The following TMEM9B variants were observed in gnomAD, a reference collection of about 807,000 sequenced individuals.
TMEM9B encodes TMEM9 domain family member B.
A neutral mutation model predicts 23.5 loss-of-function variants in TMEM9B; 8 were observed. The ratio of observed to expected loss-of-function variants is 0.34; its 90% confidence interval spans 0.20 to 0.61. The LOEUF (loss-of-function observed/expected upper bound fraction) is 0.61. TMEM9B is among the 20% of genes least tolerant of loss of function. TMEM9B has a pLI of 0.78. For missense variants in TMEM9B, 197 were observed against 252.3 expected (o/e 0.78, Z 1.49); for synonymous variants, 106 against 96.3 (o/e 1.10, Z -0.59).
At position 8,948,297 on chromosome 11, in the gene TMEM9B, G is replaced by A; in HGVS notation, c.*23C>T. On this transcript the variant is annotated 3_prime_UTR_variant, in exon 5 of 5. Transcript: ENST00000534025. Reference sequence around the variant, plus strand: ...CCAGTTGTCTGCCTGTTTCTTTCTAGTCACCTTGAATTCAATTCCCAATTA... The same window carrying A: ...CCAGTTGTCTGCCTGTTTCTTTCTAATCACCTTGAATTCAATTCCCAATTA... 6.2e-7 allele frequency: 1 copy of A among 1,606,906 alleles called. No homozygotes were observed. The highest frequency in any genetic ancestry group is 8.5e-7 in the Non-Finnish European group (1 of 1,175,770).
rs552683776 is a variant in TMEM9B, at chr11:8,958,964, A to G, written c.198-2666T>C. The stretch of plus-strand genomic sequence containing the variant: ...GTATTTCAAATACGGGTAAGGCCCC[A>G]CAACTCTCACCATAAAAGTGTGTGA... On this transcript the variant is annotated intron_variant, in intron 2 of 4. Coordinates refer to ENST00000534025, the MANE Select transcript of TMEM9B (RefSeq NM_020644.3). Among the ~76,000 whole-genome samples the G allele has an allele frequency of 2.0e-5, 3 of 152,350 alleles. No individual in the cohort carries two copies. The East Asian group carries it at 5.8e-4, about 29-fold the overall frequency.
At chr11:8,954,132 TGAAA>T (rs1853931396) in intron 3 of TMEM9B, among the ~76,000 whole-genome samples, 2 of 152,214 alleles carry the variant, frequency 1.3e-5, no homozygotes, top group South Asian at 4.1e-4. Flanking sequence ...TTGTGCTAAA[TGAAA>T]GAAGCCAGTC....
In TMEM9B at chr11:8,956,198, T is replaced by C. The variant is rs1853970298; in HGVS notation, c.298A>G (p.Thr100Ala). 1.2e-6 allele frequency: 2 copies of C among 1,613,188 alleles called. No individual in the cohort carries two copies. Among genetic ancestry groups the C allele is most frequent in the African/African-American group, 1.3e-5 (1 of 74,910 alleles). The change falls in exon 3 of 5, where the codon ACA (threonine) becomes GCA (alanine). Residue 100 changes from threonine (T) to alanine (A), a missense_variant. Transcript: ENST00000534025. ...ECKYEERSSVTIKVTIIIYLS... is the reference protein window; with the variant it reads ...ECKYEERSSVAIKVTIIIYLS... The stretch of plus-strand genomic sequence containing the variant: ...AGGGATATATATTTTACCTTGATTG[T>C]GACAGAGCTTCTTTCTTCATATTTG...
chr11:8,948,169 A>C lies in TMEM9B; in HGVS notation c.*151T>G. 1.0e-6 allele frequency: 1 copy of C among 971,532 alleles called. No individual in the cohort carries two copies. The allele number at this position is 971,532 out of a possible 1,614,324, so 60.2% of individuals were successfully genotyped here. A position where few individuals can be genotyped will look rare whatever the true frequency, so the allele number is the denominator to read the frequency against. ...TCTATTATTACGTTAACAAGAAAAA[A>C]AAATCAAGCAAGTTTTTGCTTCCAG... is the stretch of plus-strand genomic sequence containing the variant. On this transcript the variant is annotated 3_prime_UTR_variant, in exon 5 of 5. Transcript: ENST00000534025.
intron 4 of TMEM9B, among the ~76,000 whole-genome samples, chr11:8,951,535 A>T (rs906398499): frequency 1.4e-5 from 2 of 146,586 alleles, no homozygotes; most frequent in Non-Finnish European, 3.0e-5. Context: ...GGGGATCATG[A>T]GGTCAGGAGA....
chr11:8,953,130 T>C (rs755682962), intron 4 of TMEM9B, 73 bp downstream of exon 4: 1 of 1,592,228 alleles, frequency 6.3e-7, no homozygotes, highest in African/African-American at 1.3e-5. Flanking sequence ...TATATGACTA[T>C]TTTTCACTTG....
At chr11:8,956,065 G>C (rs1050636029) in intron 3 of TMEM9B, 125 bp downstream of exon 3, 1 of 712,112 alleles carries the variant, frequency 1.4e-6, no homozygotes, top group Admixed American at 2.7e-5. Context: ...GAGGCAGGCA[G>C]AACAGGCCCA....
chr11:8,951,808 T>C (rs1017793111), intron 4 of TMEM9B, among the ~76,000 whole-genome samples: 9 of 140,044 alleles, frequency 6.4e-5, no homozygotes, highest in Non-Finnish European at 1.2e-4. Context: ...AGGGTAATGA[T>C]GAAACAAAAA....
chr11:8,949,215 G>C (rs1853831691), intron 4 of TMEM9B, among the ~76,000 whole-genome samples: 1 of 152,186 alleles, frequency 6.6e-6, no homozygotes, highest in African/African-American at 2.4e-5. Flanking sequence ...GCTGCCTTGG[G>C]AAAGAGGCTA....
At chr11:8,951,757 C>CA (rs747141702) in intron 4 of TMEM9B, among the ~76,000 whole-genome samples, 2,551 of 91,212 alleles carry the variant, frequency 0.028, 69 homozygotes, top group African/African-American at 0.091. Context: ...GACTGCGTCT[C>CA]AAAAAAAAAA....
At chr11:8,951,712 C>G (rs1251527050) in intron 4 of TMEM9B, among the ~76,000 whole-genome samples, 1 of 149,870 alleles carries the variant, frequency 6.7e-6, no homozygotes, top group Non-Finnish European at 1.5e-5. Flanking sequence ...GCGCTGAGAT[C>G]GCACCACTGC....
intron 4 of TMEM9B, among the ~76,000 whole-genome samples, chr11:8,949,548 G>A (rs1024030163): frequency 6.6e-6 from 1 of 152,300 alleles, no homozygotes; most frequent in Middle Eastern, 3.4e-3. Flanking sequence ...TGCTGTGCAT[G>A]TTTGAAAAAG....
intron 2 of TMEM9B, among the ~76,000 whole-genome samples, chr11:8,960,245 C>T (rs1206431400): frequency 6.7e-6 from 1 of 149,382 alleles, no homozygotes; most frequent in African/African-American, 2.5e-5. Flanking sequence ...GCGGCTCAAG[C>T]GATTCTCTAC....
chr11:8,952,279 C>CACACACACACACAT (rs371219457), intron 4 of TMEM9B, among the ~76,000 whole-genome samples: 94 of 126,136 alleles, frequency 7.5e-4, no homozygotes, highest in African/African-American at 2.4e-3. Context: ...CACACACACA[C>CACACACACACACAT]GCTATATATA....
chr11:8,956,081 C>G (rs1477674895), intron 3 of TMEM9B, 109 bp downstream of exon 3: 1 of 837,286 alleles, frequency 1.2e-6, no homozygotes, highest in African/African-American at 1.7e-5. Flanking sequence ...GCCCATTATT[C>G]CTTTTGGGGT....
Position 8,955,070 on chromosome 11 carries a change from G to A in TMEM9B, c.306+1120C>T, listed in dbSNP as rs191281332. On this transcript the variant is annotated intron_variant, in intron 3 of 4. Coordinates refer to ENST00000534025, the MANE Select transcript of TMEM9B (RefSeq NM_020644.3). Reference sequence around the variant, plus strand: ...GGAGGCTGAGGCAGGAGAATCGCTTGGACCCAGGAGGCGGAGGTTGCAGTG... The same window carrying A: ...GGAGGCTGAGGCAGGAGAATCGCTTAGACCCAGGAGGCGGAGGTTGCAGTG... Among the ~76,000 whole-genome samples the A allele has an allele frequency of 4.6e-5, 7 of 150,716 alleles. No individual in the cohort carries two copies. In the East Asian group the frequency reaches 1.4e-3, roughly 30 times the overall value.
chr11:8,964,365 G>A lies in TMEM9B; in HGVS notation c.-52C>T. On this transcript the variant is annotated 5_prime_UTR_variant, in exon 1 of 5. Coordinates refer to ENST00000534025, the MANE Select transcript of TMEM9B (RefSeq NM_020644.3). ...CCGGAGCCCCCGCGACCGGCTCCCG[G>A]CTCGGGCTCAGGCTCAGGCTCAGGC... The A allele has an allele frequency of 6.5e-7, 1 of 1,533,192 alleles. No individual in the cohort carries two copies. 95.0% of individuals were successfully genotyped at this position (1,533,192 alleles called of 1,614,324 possible). A position where few individuals can be genotyped will look rare whatever the true frequency, so the allele number is the denominator to read the frequency against.
chr11:8,951,076 G>A (rs1198305522), intron 4 of TMEM9B, among the ~76,000 whole-genome samples: 1 of 152,126 alleles, frequency 6.6e-6, no homozygotes, highest in Non-Finnish European at 1.5e-5. Context: ...TACACAAGCA[G>A]AATCAATCAC....
rs532299772 is a variant in TMEM9B, at chr11:8,964,369, G to GGGCTCAGGCTCGGGCTCA, written c.-57_-56insTGAGCCCGAGCCTGAGCC. On this transcript the variant is annotated 5_prime_UTR_variant, in exon 1 of 5. Transcript: ENST00000534025. ...AGCCCCCGCGACCGGCTCCCGGCTC[G>GGGCTCAGGCTCGGGCTCA]GGCTCAGGCTCAGGCTCAGGCTCAG... 1,144 of 1,516,134 alleles carry GGGCTCAGGCTCGGGCTCA rather than the reference G, an allele frequency of 7.5e-4. 14 individuals carry two copies. In the East Asian group the frequency reaches 0.019, roughly 25 times the overall value. The allele number at this position is 1,516,134 out of a possible 1,614,324, so 93.9% of individuals were successfully genotyped here. A position where few individuals can be genotyped will look rare whatever the true frequency, so the allele number is the denominator to read the frequency against.
Sources: allele counts gnomAD v4.1 joint callset (sites outside exome capture counted in the v4.1 genomes callset), GRCh38; gene constraint gnomAD v4.1.1; transcripts MANE v1.5; gene names NCBI Gene and HGNC (gene_info 2026-07-23, HGNC 2026-07-21).